The following CEP170B variants were observed in gnomAD, a reference collection of about 807,000 sequenced individuals.
CEP170B encodes centrosomal protein of 170 kDa protein B.
A neutral mutation model predicts 120.6 loss-of-function variants in CEP170B; 55 were observed. That is an observed-to-expected ratio of 0.46 (90% CI 0.37 to 0.57). The LOEUF (loss-of-function observed/expected upper bound fraction) is 0.57. Among genes scored for constraint, CEP170B ranks in the 20% least tolerant of loss-of-function variants. The pLI is 0.00. For synonymous variants in CEP170B, 1,033 were observed against 954.5 expected, an observed-to-expected ratio of 1.08 and a Z score of -1.52; for missense variants, 2,212 against 2,253.3, an observed-to-expected ratio of 0.98 and a Z score of 0.37.
Position 104,895,275 on chromosome 14 carries a change from T to G in CEP170B, c.*317T>G. The G allele has an allele frequency of 2.9e-6, 1 of 340,838 alleles. No individual in the cohort carries two copies. Among genetic ancestry groups the G allele is most frequent in the Admixed American group, 4.7e-5 (1 of 21,238 alleles). 21.1% of individuals were successfully genotyped at this position (340,838 alleles called of 1,614,324 possible). A position where few individuals can be genotyped will look rare whatever the true frequency, so the allele number is the denominator to read the frequency against. On this transcript the variant is annotated 3_prime_UTR_variant, in exon 19 of 19. Coordinates refer to ENST00000414716, the MANE Select transcript of CEP170B (RefSeq NM_001112726.3). ...CGCCTCCTCTTCATCACTGTTATTT[T>G]TGTCTTTAGCTTTAAAGGAAAGAGT...
In CEP170B at chr14:104,880,269, C is replaced by G. The variant is rs888517717; in HGVS notation, c.334-18C>G. 6.3e-7 allele frequency: 1 copy of G among 1,576,370 alleles called. No homozygotes were observed. The highest frequency in any genetic ancestry group is 8.6e-7 in the Non-Finnish European group (1 of 1,162,246). ...TGAGGCTGGGCCCAGTACCTCACCC[C>G]GCCTGGCCTGCCCACAGCATGAAAA... is the stretch of plus-strand genomic sequence containing the variant. On this transcript the variant is annotated intron_variant, in intron 5 of 18. Transcript: ENST00000414716.
intron 2 of CEP170B, among the ~76,000 whole-genome samples, chr14:104,871,112 C>A (rs767203442): frequency 2.0e-5 from 3 of 152,056 alleles, no homozygotes; most frequent in Admixed American, 2.0e-4. Context: ...TGCGCCAGGA[C>A]CCCCGCCCTC....
At chr14:104,875,781 C>T (rs918744371) in intron 2 of CEP170B, among the ~76,000 whole-genome samples, 1 of 152,214 alleles carries the variant, frequency 6.6e-6, no homozygotes, top group Non-Finnish European at 1.5e-5. Flanking sequence ...GGGGGTGGTC[C>T]TGGGTGGGCT....
At chr14:104,880,911 C>A (rs2582559) in intron 6 of CEP170B, among the ~76,000 whole-genome samples, 3 of 151,728 alleles carry the variant, frequency 2.0e-5, no homozygotes, top group South Asian at 2.1e-4. Context: ...CACACAGCTA[C>A]CCATGCACAC....
In CEP170B at chr14:104,896,329, G is replaced by A. The variant is rs373972332; in HGVS notation, c.*1371G>A. 1 of 337,376 alleles carries A rather than the reference G, an allele frequency of 3.0e-6. No homozygotes were observed. Among genetic ancestry groups the A allele is most frequent in the African/African-American group, 2.2e-5 (1 of 46,366 alleles). 20.9% of individuals were successfully genotyped at this position (337,376 alleles called of 1,614,324 possible). ...ACCTGATGTTTACGTGTGTGTGTGAGGGGGGGCGGGGGTGGCAGGTGTCCC... is the reference window on the plus strand; with the variant it reads ...ACCTGATGTTTACGTGTGTGTGTGAAGGGGGGCGGGGGTGGCAGGTGTCCC... On this transcript the variant is annotated 3_prime_UTR_variant, in exon 19 of 19. Coordinates refer to ENST00000414716, the MANE Select transcript of CEP170B (RefSeq NM_001112726.3).
rs79231045 is a variant in CEP170B at position 104,883,426 on chromosome 14, G to T, written c.969G>T (p.Pro323=). 6.4e-7 allele frequency: 1 copy of T among 1,571,582 alleles called. No homozygotes were observed. The highest frequency in any genetic ancestry group is 1.2e-5 in the South Asian group (1 of 85,930). Residue 323 remains proline, a synonymous_variant, in exon 8 of 19, where the codon CCG becomes CCT. Transcript: ENST00000414716. ...CCGACTGGCTGGTGCAGAATGACCC[G>T]AGCCTGCTGCACCGGGTTGGCCCTG... is the stretch of plus-strand genomic sequence containing the variant. ...KVADWLVQND[P]SLLHRVGPGD... is the part of the protein sequence containing the mutation.
At chr14:104,876,389 C>G (rs540284747) in intron 3 of CEP170B, 44 bp downstream of exon 3, 2 of 1,530,270 alleles carry the variant, frequency 1.3e-6, no homozygotes, top group African/African-American at 2.8e-5. Flanking sequence ...CAGCTCGACC[C>G]TTCAGCCCTG....
chr14:104,881,046 T>TG (rs951488310), intron 6 of CEP170B, among the ~76,000 whole-genome samples: 19 of 152,130 alleles, frequency 1.2e-4, no homozygotes, highest in East Asian at 1.2e-3. Flanking sequence ...AGGCAGGTGA[T>TG]GGGGGGGTGA....
At chr14:104,864,537 G>A (rs768767745), upstream of CEP170B, among the ~76,000 whole-genome samples, 1 of 152,208 alleles carries the variant, frequency 6.6e-6, no homozygotes, top group Non-Finnish European at 1.5e-5. This position sits in a 1 kb window ranked among gnomAD's most constrained non-coding sequence, Gnocchi z 5.9. Flanking sequence ...CAAGGAGCGA[G>A]CAGTCCGCGG....
In CEP170B at chr14:104,889,634, A is replaced by G; in HGVS notation, c.3754A>G (p.Arg1252Gly). Residue 1252 changes from arginine to glycine, a missense_variant, in exon 13 of 19, where the codon AGG (arginine) becomes GGG (glycine). Transcript: ENST00000414716. ...CACCTCAACAGCCACTCAGACCCCG[A>G]GGGCTGGCAGCTCCAGCCGGGCTCG... The part of the protein sequence containing the change: ...ARYTSTTQTP[R>G]AGSSSRARSR... The G allele has an allele frequency of 6.2e-7, 1 of 1,611,572 alleles. No homozygotes were observed.
chr14:104,892,846 G>A (rs1896910279), intron 13 of CEP170B, 130 bp from the exon 14 acceptor site: 1 of 1,016,292 alleles, frequency 9.8e-7, no homozygotes, highest in Non-Finnish European at 1.5e-6. Flanking sequence ...CCAGGCTGGG[G>A]AGCACCTCCC....
intron 5 of CEP170B, among the ~76,000 whole-genome samples, chr14:104,879,370 G>A (rs1048857033): frequency 2.0e-5 from 3 of 152,098 alleles, no homozygotes; most frequent in Admixed American, 6.5e-5. Context: ...CCAGGTTAAC[G>A]GATTTGAGTC....
chr14:104,879,893 G>GC (rs1896055571), intron 5 of CEP170B, among the ~76,000 whole-genome samples: 1 of 152,178 alleles, frequency 6.6e-6, no homozygotes, highest in African/African-American at 2.4e-5. Flanking sequence ...AGGGCGCTTA[G>GC]CCCGTTCCTC....
Position 104,883,443 on chromosome 14 carries a change from T to C in CEP170B, c.986T>C (p.Val329Ala). The C allele has an allele frequency of 6.4e-7, 1 of 1,563,854 alleles. No homozygotes were observed. The highest frequency in any genetic ancestry group is 8.7e-7 in the Non-Finnish European group (1 of 1,155,516). Reference sequence around the variant, plus strand: ...AATGACCCGAGCCTGCTGCACCGGGTTGGCCCTGGGGATGACCGCCACAGC... The same window carrying C: ...AATGACCCGAGCCTGCTGCACCGGGCTGGCCCTGGGGATGACCGCCACAGC... ...VQNDPSLLHR[V>A]GPGDDRHSTK... The change falls in exon 8 of 19, where the codon GTT (valine) becomes GCT (alanine). Residue 329 changes from valine (V) to alanine (A), a missense_variant. Physicochemically the swap from Val to Ala is moderately conservative, Grantham distance 64. Around this residue, in one of 2 missense-constraint regions of CEP170B, gnomAD observed 2,166 missense variants for 2,166.7 expected, o/e 1.00. Coordinates refer to ENST00000414716, the MANE Select transcript of CEP170B (RefSeq NM_001112726.3).
rs201569072 is a variant in CEP170B at position 104,886,745 on chromosome 14, G to T, written c.2506G>T (p.Val836Phe). 26 of 1,610,756 alleles carry T rather than the reference G, an allele frequency of 1.6e-5. No homozygotes were observed. Among genetic ancestry groups the T allele is most frequent in the Non-Finnish European group, 2.0e-5 (24 of 1,179,090 alleles). ...GCCCAGCCCCCCAGCACGGGATGGC[G>T]TCTATGTCAGTGCCAATGGGAGAAT... ...AQPSPPARDG[V>F]YVSANGRMVI... The change falls in exon 12 of 19, where the codon GTC becomes TTC. Residue 836 changes from valine to phenylalanine, a missense_variant. By Grantham distance (50) the Val-to-Phe change is conservative (BLOSUM62 -1). This residue lies in a region of CEP170B where 2,166 missense variants were observed against 2,166.7 expected (regional missense o/e 1.00). Coordinates refer to ENST00000414716, the MANE Select transcript of CEP170B (RefSeq NM_001112726.3).
At position 104,877,512 on chromosome 14, in the gene CEP170B, C is replaced by G. The variant is rs936934956; in HGVS notation, c.196-373C>G. Reference sequence around the variant, plus strand: ...CCACCACAGGGCAGGCCTGCCTCGACTGTTCCCAAGGGCTCATGGGGCCAA... The same window carrying G: ...CCACCACAGGGCAGGCCTGCCTCGAGTGTTCCCAAGGGCTCATGGGGCCAA... On this transcript the variant is annotated intron_variant, in intron 3 of 18. Transcript: ENST00000414716. Among the ~76,000 whole-genome samples the G allele has an allele frequency of 8.0e-4, 122 of 152,350 alleles. 1 individual carries two copies. Among genetic ancestry groups the G allele is most frequent in the African/African-American group, 2.8e-3 (116 of 41,586 alleles).
Position 104,870,834 on chromosome 14 carries a change from C to G in CEP170B, c.105+2279C>G, listed in dbSNP as rs1019879114. 1.3e-5 allele frequency among the ~76,000 whole-genome samples: 2 copies of G among 152,074 alleles called. No homozygotes were observed. Among genetic ancestry groups the G allele is most frequent in the African/African-American group, 4.8e-5 (2 of 41,398 alleles). On this transcript the variant is annotated intron_variant, in intron 2 of 18. Transcript: ENST00000414716. This position sits in a 1 kb window ranked among gnomAD's most constrained non-coding sequence, Gnocchi z 4.1. ...GTGGTGTCACCATTGTAAGATGTATCTCCATGGGGAAACTGAGGCTCAGGG... is the reference window on the plus strand; with the variant it reads ...GTGGTGTCACCATTGTAAGATGTATGTCCATGGGGAAACTGAGGCTCAGGG...
intron 6 of CEP170B, among the ~76,000 whole-genome samples, chr14:104,882,058 G>T (rs1896184423): frequency 6.6e-6 from 1 of 152,138 alleles, no homozygotes; most frequent in Non-Finnish European, 1.5e-5. Flanking sequence ...GGGCATGAGG[G>T]CCAGCGCCCT....
At position 104,885,467 on chromosome 14, in the gene CEP170B, C is replaced by T. The variant is rs371465096; in HGVS notation, c.1869C>T (p.Gly623=). ...RGDRDESDDG[G]VAQRMALLQE... ...ACAGAGATGAGTCTGATGACGGGGG[C>T]GTGGCCCAGCGGATGGCGCTACTGC... is the stretch of plus-strand genomic sequence containing the variant. Residue 623 remains glycine, a synonymous_variant, in exon 10 of 19, where the codon GGC becomes GGT. Coordinates refer to ENST00000414716, the MANE Select transcript of CEP170B (RefSeq NM_001112726.3). 6.7e-5 allele frequency: 104 copies of T among 1,561,564 alleles called. No individual in the cohort carries two copies. In the African/African-American group the frequency reaches 1.3e-3, roughly 19 times the overall value.
Sources: allele counts gnomAD v4.1 joint callset (sites outside exome capture counted in the v4.1 genomes callset), GRCh38; gene constraint gnomAD v4.1.1; regional missense constraint gnomAD v4.1.1; non-coding constraint Gnocchi (gnomAD v3.1); transcripts MANE v1.5; gene names NCBI Gene and HGNC (gene_info 2026-07-23, HGNC 2026-07-21).